LMO3: variants seen among roughly 807,000 people sequenced by gnomAD.
The protein encoded by LMO3 is LIM domain only 3, also known as LIM domain only protein 3.
Under a neutral mutation model 15.8 loss-of-function variants are expected in LMO3, and 2 were observed. The ratio of observed to expected loss-of-function variants is 0.13; its 90% CI spans 0.05 to 0.40. The LOEUF is 0.40. Ranked by LOEUF, LMO3 falls within the 10% of genes least tolerant of loss-of-function variation. The pLI is 0.99. For missense variants in LMO3, 86 were observed against 182.2 expected (o/e 0.47, Z 3.04); for synonymous variants, 62 against 63.8 (o/e 0.97, Z 0.13).
At chr12:16,568,080 A>G (rs1859575088) in intron 2 of LMO3, among the ~76,000 whole-genome samples, 1 of 152,206 alleles carries the variant, frequency 6.6e-6, no homozygotes. Context: ...AATAGAAAAT[A>G]AAAAGGAATA....
At chr12:16,570,989 T>C (rs1424309967) in intron 2 of LMO3, among the ~76,000 whole-genome samples, 1 of 152,102 alleles carries the variant, frequency 6.6e-6, no homozygotes, top group East Asian at 1.9e-4. Flanking sequence ...CATATGTAAC[T>C]AACCTGCACA....
At chr12:16,572,941 C>CA (rs1942865019) in intron 2 of LMO3, among the ~76,000 whole-genome samples, 1 of 151,248 alleles carries the variant, frequency 6.6e-6, no homozygotes, top group Non-Finnish European at 1.5e-5. Context: ...AATTGATCAT[C>CA]AAAATAGGAA....
intron 2 of LMO3, among the ~76,000 whole-genome samples, chr12:16,578,170 A>G (rs1044705656): frequency 6.6e-6 from 1 of 152,204 alleles, no homozygotes; most frequent in Non-Finnish European, 1.5e-5. Flanking sequence ...GTTTCATGAA[A>G]CTTAGAAAAT....
In LMO3 at chr12:16,560,828, C is replaced by A; in HGVS notation, c.207-290G>T. 1.2e-5 allele frequency: 5 copies of A among 425,182 alleles called. No individual in the cohort carries two copies. Among genetic ancestry groups the A allele is most frequent in the African/African-American group, 2.1e-5 (1 of 48,438 alleles). The allele number at this position is 425,182 out of a possible 1,614,324, so 26.3% of individuals were successfully genotyped here. A position where few individuals can be genotyped will look rare whatever the true frequency, so the allele number is the denominator to read the frequency against. ...GAAGTCAATGGGGGTGAATTCATAG[C>A]AAAAATCTCTGGGTTAGAGTATATA... On this transcript the variant is annotated intron_variant, in intron 2 of 3. Coordinates refer to ENST00000537304, the MANE Select transcript of LMO3 (RefSeq NM_018640.5). The surrounding 1 kb of genome is among the most constrained non-coding windows in gnomAD (Gnocchi z 5.0).
At chr12:16,558,749 A>C (rs918284966) in intron 3 of LMO3, among the ~76,000 whole-genome samples, 2 of 152,158 alleles carry the variant, frequency 1.3e-5, no homozygotes, top group African/African-American at 2.4e-5. Context: ...AGCAAGAAAC[A>C]CTATTGTGAT....
At chr12:16,605,012 C>T in intron 1 of LMO3, 5 of 1,579,580 alleles carry the variant, frequency 3.2e-6, no homozygotes, top group Non-Finnish European at 4.3e-6. Context: ...GCCTACACCG[C>T]CGAGGACCGA....
At chr12:16,561,413 A>G (rs1591778097) in intron 2 of LMO3, among the ~76,000 whole-genome samples, 1 of 152,140 alleles carries the variant, frequency 6.6e-6, no homozygotes. Context: ...CTAGGAAGCA[A>G]ACTAGATGAA....
intron 1 of LMO3, chr12:16,605,759 G>A: frequency 2.6e-6 from 4 of 1,534,876 alleles, no homozygotes; most frequent in Non-Finnish European, 3.5e-6. Context: ...TTATCCACTC[G>A]AGTCGTACTT....
In LMO3 at chr12:16,599,183, A is replaced by G. The variant is rs1173457667; in HGVS notation, c.206+1472T>C. 6.6e-6 allele frequency: 1 copy of G among 152,662 alleles called. No individual in the cohort carries two copies. The highest frequency in any genetic ancestry group is 2.4e-5 in the African/African-American group (1 of 41,480). 9.5% of individuals were successfully genotyped at this position (152,662 alleles called of 1,614,324 possible). A position where few individuals can be genotyped will look rare whatever the true frequency, so the allele number is the denominator to read the frequency against. Reference sequence around the variant, plus strand: ...ACCGGAGAGTTCTAAAAAAATGAACATTGTACATTAATTTTGATTCGTTGT... The same window carrying G: ...ACCGGAGAGTTCTAAAAAAATGAACGTTGTACATTAATTTTGATTCGTTGT... On this transcript the variant is annotated intron_variant, in intron 2 of 3. Transcript: ENST00000537304. The surrounding 1 kb of genome is among the most constrained non-coding windows in gnomAD (Gnocchi z 4.1).
rs1943652601 is a variant in LMO3 at position 16,596,241 on chromosome 12, AT to A, written c.206+4413del. ...TAGTCAGCATAGCAAGCTTCAAATC[AT>A]TTTAGTTAATTAGCAACTATGGTGA... On this transcript the variant is annotated intron_variant, in intron 2 of 3. Transcript: ENST00000537304. This position sits in a 1 kb window ranked among gnomAD's most constrained non-coding sequence, Gnocchi z 4.3. Among the ~76,000 whole-genome samples, 1 of 151,554 alleles carries A rather than the reference AT, an allele frequency of 6.6e-6. No homozygotes were observed. The highest frequency in any genetic ancestry group is 2.4e-5 in the African/African-American group (1 of 41,404).
In LMO3 at chr12:16,551,268, T is replaced by C. The variant is rs752676839; in HGVS notation, c.392A>G (p.Tyr131Cys). 17 of 1,613,096 alleles carry C rather than the reference T, an allele frequency of 1.1e-5. No individual in the cohort carries two copies. ...KNNMILCQTD[Y>C]EEGLMKEGYA... ...ACCTTCTTTCATTAAACCTTCCTCGTAGTCCGTCTGGCAAAGGATCATGTT... is the reference window on the plus strand; with the variant it reads ...ACCTTCTTTCATTAAACCTTCCTCGCAGTCCGTCTGGCAAAGGATCATGTT... Residue 131 changes from tyrosine (Y) to cysteine (C), a missense_variant, in exon 4 of 4, where the codon TAC becomes TGC. By Grantham distance (194) the Tyr-to-Cys change is radical (BLOSUM62 -2). Coordinates refer to ENST00000537304, the MANE Select transcript of LMO3 (RefSeq NM_018640.5).
intron 3 of LMO3, among the ~76,000 whole-genome samples, chr12:16,554,014 C>T (rs1203906743): frequency 6.6e-6 from 1 of 151,794 alleles, no homozygotes; most frequent in Admixed American, 6.6e-5. Flanking sequence ...TTAATTTTAC[C>T]CTCATTTAAA....
chr12:16,553,350 T>C (rs1216983162), intron 3 of LMO3, among the ~76,000 whole-genome samples: 2 of 152,122 alleles, frequency 1.3e-5, no homozygotes, highest in African/African-American at 2.4e-5. Context: ...ACAAGAATAA[T>C]GTGAAGATTA....
At chr12:16,592,512 T>C (rs1323862720) in intron 2 of LMO3, among the ~76,000 whole-genome samples, 1 of 151,978 alleles carries the variant, frequency 6.6e-6, no homozygotes, top group Non-Finnish European at 1.5e-5. Flanking sequence ...AAAATGCAAA[T>C]AACCTGCTCA....
At position 16,596,320 on chromosome 12, in the gene LMO3, A is replaced by G. The variant is rs1475032436; in HGVS notation, c.206+4335T>C. Among the ~76,000 whole-genome samples, 1 of 151,602 alleles carries G rather than the reference A, an allele frequency of 6.6e-6. No individual in the cohort carries two copies. Among genetic ancestry groups the G allele is most frequent in the African/African-American group, 2.4e-5 (1 of 41,404 alleles). On this transcript the variant is annotated intron_variant, in intron 2 of 3. Transcript: ENST00000537304. The surrounding 1 kb of genome is among the most constrained non-coding windows in gnomAD (Gnocchi z 4.3). ...GTTTCATTTTAAACAAATCATCCTCACGTATAAAAATAGCAAATTGCATTA... is the reference window on the plus strand; with the variant it reads ...GTTTCATTTTAAACAAATCATCCTCGCGTATAAAAATAGCAAATTGCATTA...
At chr12:16,595,174 A>T (rs1172331886) in intron 2 of LMO3, among the ~76,000 whole-genome samples, 4 of 151,552 alleles carry the variant, frequency 2.6e-5, no homozygotes, top group East Asian at 3.9e-4. Context: ...AACTATAAAG[A>T]TACAGAAACA....
intron 2 of LMO3, among the ~76,000 whole-genome samples, chr12:16,570,152 G>A (rs1438881837): frequency 6.6e-6 from 1 of 152,130 alleles, no homozygotes; most frequent in Non-Finnish European, 1.5e-5. Flanking sequence ...AATTTTTTGT[G>A]ATAGTCTATT....
In LMO3 at chr12:16,599,713, A is replaced by G. The variant is rs1236148839; in HGVS notation, c.206+942T>C. ...AAGTAATTTGCAGCTGAAGTAAGTCACAAAGTTGCCTGAAAAGCAAAATAA... is the reference window on the plus strand; with the variant it reads ...AAGTAATTTGCAGCTGAAGTAAGTCGCAAAGTTGCCTGAAAAGCAAAATAA... On this transcript the variant is annotated intron_variant, in intron 2 of 3. Coordinates refer to ENST00000537304, the MANE Select transcript of LMO3 (RefSeq NM_018640.5). The surrounding 1 kb of genome is among the most constrained non-coding windows in gnomAD (Gnocchi z 4.1). 8 of 152,166 alleles carry G rather than the reference A, an allele frequency of 5.3e-5. No individual in the cohort carries two copies. Among genetic ancestry groups the G allele is most frequent in the Admixed American group, 5.2e-4 (8 of 15,264 alleles). 9.4% of individuals were successfully genotyped at this position (152,166 alleles called of 1,614,324 possible). A position where few individuals can be genotyped will look rare whatever the true frequency, so the allele number is the denominator to read the frequency against.
chr12:16,552,066 T>G (rs1175115604), intron 3 of LMO3, among the ~76,000 whole-genome samples: 1 of 152,080 alleles, frequency 6.6e-6, no homozygotes, highest in Non-Finnish European at 1.5e-5. Flanking sequence ...ATTATGCATT[T>G]TATTTCATAA....
Sources: gnomAD v4.1 joint callset for allele counts (sites outside exome capture counted in the v4.1 genomes callset) on GRCh38, gnomAD v4.1.1 for gene constraint, Gnocchi (gnomAD v3.1) non-coding constraint, MANE v1.5 for transcripts, NCBI Gene and HGNC (gene_info 2026-07-23, HGNC 2026-07-21) for gene names.